Variants in PCSK5 observed in about 807,000 individuals in gnomAD.
PCSK5 encodes proprotein convertase subtilisin/kexin type 5.
PCSK5 carries 129 observed loss-of-function variants against 233.2 expected under a neutral mutation model. The observed-to-expected ratio is 0.55, with a 90% CI of 0.48 to 0.64. The LOEUF is 0.64. PCSK5 is among the 30% of genes least tolerant of loss of function. PCSK5 has a pLI of 0.00. For missense variants in PCSK5, 2,076 were observed against 2,430.1 expected, an observed-to-expected ratio of 0.85 and a Z score of 3.06; for synonymous variants, 825 against 879.2, an observed-to-expected ratio of 0.94 and a Z score of 1.09.
At chr9:75,948,315 C>T (rs1339568801) in intron 2 of PCSK5, among the ~76,000 whole-genome samples, 3 of 140,752 alleles carry the variant, frequency 2.1e-5, no homozygotes, top group Non-Finnish European at 4.6e-5. Context: ...CCCTCGCCCC[C>T]CCACCCCCCG....
chr9:75,892,276 A>G (rs1825642150), intron 1 of PCSK5, among the ~76,000 whole-genome samples: 1 of 152,136 alleles, frequency 6.6e-6, no homozygotes, highest in Non-Finnish European at 1.5e-5. Context: ...GATGATTGGA[A>G]GCGTAACAGA....
At chr9:76,274,977 C>T (rs62564583) in intron 24 of PCSK5, among the ~76,000 whole-genome samples, 15,466 of 151,934 alleles carry the variant, frequency 0.1, 893 homozygotes, top group African/African-American at 0.17. Context: ...GGAACTCTCA[C>T]GGGAATTAGT....
At chr9:76,037,595 CTT>C (rs2131520730) in intron 5 of PCSK5, among the ~76,000 whole-genome samples, 1 of 152,192 alleles carries the variant, frequency 6.6e-6, no homozygotes, top group African/African-American at 2.4e-5. Flanking sequence ...GTAAAAGACA[CTT>C]TTCCAATGTT....
chr9:75,931,482 C>CT (rs1455463053), intron 1 of PCSK5, among the ~76,000 whole-genome samples: 2 of 152,066 alleles, frequency 1.3e-5, no homozygotes, highest in Non-Finnish European at 2.9e-5. Flanking sequence ...AAAACAGAGA[C>CT]TTAGTGTATG....
rs1587715951 is a variant in PCSK5 at position 76,173,495 on chromosome 9, C to CTTTTTTTTTTTTTTTTTT, written c.1757-1491_1757-1490insTTTTTTTTTTTTTTTTTT. 3.8e-3 allele frequency among the ~76,000 whole-genome samples: 131 copies of CTTTTTTTTTTTTTTTTTT among 34,582 alleles called. 16 individuals are homozygous for CTTTTTTTTTTTTTTTTTT. The highest frequency in any genetic ancestry group is 0.011 in the East Asian group (13 of 1,132). 22.7% of individuals were successfully genotyped at this position (34,582 alleles called of 152,430 possible). A position where few individuals can be genotyped will look rare whatever the true frequency, so the allele number is the denominator to read the frequency against. ...ACTTTAATGAAATGGAGGCACGTTT[C>CTTTTTTTTTTTTTTTTTT]CTTTTTTTTTTTTTTTTTTTTTTTT... On this transcript the variant is annotated intron_variant, in intron 13 of 37. Transcript: ENST00000674117.
chr9:76,027,182 A>C, intron 5 of PCSK5, 145 bp downstream of exon 5: 1 of 569,520 alleles, frequency 1.8e-6, no homozygotes, highest in Non-Finnish European at 3.2e-6. Context: ...TTTCCACTGA[A>C]GCCTCTGAGT....
At chr9:76,312,299 CA>C (rs752927994) in intron 30 of PCSK5, among the ~76,000 whole-genome samples, 1 of 152,098 alleles carries the variant, frequency 6.6e-6, no homozygotes, top group Non-Finnish European at 1.5e-5. Flanking sequence ...CACCTGAGGT[CA>C]GGAGTTCAAA....
intron 24 of PCSK5, among the ~76,000 whole-genome samples, chr9:76,243,574 G>T (rs758771338): frequency 3.3e-5 from 5 of 152,066 alleles, no homozygotes; most frequent in Non-Finnish European, 7.4e-5. Flanking sequence ...TGAACCCTTT[G>T]TTGATCTCTC....
intron 9 of PCSK5, among the ~76,000 whole-genome samples, chr9:76,115,426 C>CAT (rs1470168554): frequency 6.6e-6 from 1 of 152,106 alleles, no homozygotes; most frequent in Non-Finnish European, 1.5e-5. Flanking sequence ...TTAATTTAAA[C>CAT]AGAGTGTTAG....
At chr9:76,197,841 A>T (rs543222895) in intron 20 of PCSK5, among the ~76,000 whole-genome samples, 1 of 152,204 alleles carries the variant, frequency 6.6e-6, no homozygotes, top group Non-Finnish European at 1.5e-5. Flanking sequence ...TCTGGTGAAC[A>T]TCCCTTTCTA....
chr9:76,018,794 G>A (rs1320093476), intron 3 of PCSK5, among the ~76,000 whole-genome samples: 1 of 152,180 alleles, frequency 6.6e-6, no homozygotes, highest in East Asian at 1.9e-4. Flanking sequence ...GGTCTCTAAG[G>A]TCTTAAACAA....
intron 24 of PCSK5, among the ~76,000 whole-genome samples, chr9:76,247,486 T>C (rs1826652370): frequency 6.6e-6 from 1 of 152,108 alleles, no homozygotes; most frequent in East Asian, 1.9e-4. Context: ...AATTAGCATT[T>C]TAGTGAGCTC....
chr9:75,897,954 AAACT>A (rs1357037213), intron 1 of PCSK5, among the ~76,000 whole-genome samples: 1 of 152,180 alleles, frequency 6.6e-6, no homozygotes, highest in Non-Finnish European at 1.5e-5. Flanking sequence ...AAACTGCTTA[AAACT>A]AACAAACAAG....
In PCSK5 at chr9:76,351,447, G is replaced by GAAAGGAAAGAAAAA. The variant is rs1491332963; in HGVS notation, c.5067+519_5067+520insAAAGGAAAGAAAAA. 8.4e-4 allele frequency among the ~76,000 whole-genome samples: 23 copies of GAAAGGAAAGAAAAA among 27,472 alleles called. 2 individuals are homozygous for GAAAGGAAAGAAAAA. Among genetic ancestry groups the GAAAGGAAAGAAAAA allele is most frequent in the Middle Eastern group, 0.014 (1 of 70 alleles). The allele number at this position is 27,472 out of a possible 152,430, so 18.0% of individuals were successfully genotyped here. On this transcript the variant is annotated intron_variant, in intron 36 of 37. Transcript: ENST00000674117. ...GCCCCCCCCTGCAATGTGAAAGAAAGGAAAGAAAGAAAGAAAGAAAGAAAG... is the reference window on the plus strand; with the variant it reads ...GCCCCCCCCTGCAATGTGAAAGAAAGAAAGGAAAGAAAAAGAAAGAAAGAAAGAAAGAAAGAAAG...
At chr9:76,167,536 G>T (rs1332322123) in intron 12 of PCSK5, among the ~76,000 whole-genome samples, 2 of 152,192 alleles carry the variant, frequency 1.3e-5, no homozygotes, top group Non-Finnish European at 2.9e-5. Context: ...ATATTGCAAA[G>T]TGTTAGCCAT....
At chr9:76,032,238 A>T (rs970597500) in intron 5 of PCSK5, among the ~76,000 whole-genome samples, 1 of 152,172 alleles carries the variant, frequency 6.6e-6, no homozygotes, top group African/African-American at 2.4e-5. Flanking sequence ...GAATTATGTC[A>T]TACTTGCCTG....
intron 7 of PCSK5, among the ~76,000 whole-genome samples, chr9:76,074,517 A>G (rs1830578640): frequency 6.6e-6 from 1 of 152,200 alleles, no homozygotes; most frequent in South Asian, 2.1e-4. Context: ...GATGAGGTCA[A>G]GAAGATAGTG....
At chr9:76,101,670 G>A (rs1269379269) in intron 8 of PCSK5, among the ~76,000 whole-genome samples, 1 of 152,166 alleles carries the variant, frequency 6.6e-6, no homozygotes, top group Non-Finnish European at 1.5e-5. Context: ...CCAGAGTTGG[G>A]AGAATATATG....
intron 2 of PCSK5, among the ~76,000 whole-genome samples, chr9:75,976,190 A>G (rs1372975973): frequency 6.6e-6 from 1 of 152,024 alleles, no homozygotes; most frequent in Non-Finnish European, 1.5e-5. Flanking sequence ...TTTCCATTCA[A>G]CAAGTATTTA....
Sources: allele counts gnomAD v4.1 joint callset (sites outside exome capture counted in the v4.1 genomes callset), GRCh38; gene constraint gnomAD v4.1.1; transcripts MANE v1.5; gene names NCBI Gene and HGNC (gene_info 2026-07-23, HGNC 2026-07-21).